PTPRD: variants seen among roughly 807,000 people sequenced by gnomAD.
PTPRD encodes receptor-type tyrosine-protein phosphatase delta.
PTPRD carries 34 observed loss-of-function variants against 214.5 expected under a neutral mutation model. The observed-to-expected ratio is 0.16, with a 90% CI of 0.12 to 0.21. The LOEUF is 0.21. PTPRD is among the 10% of genes least tolerant of loss of function. The pLI, the probability that PTPRD is intolerant of heterozygous loss-of-function variation, is 1.00. For missense variants in PTPRD, 2,545 were observed against 2,398.7 expected (o/e 1.06, Z -1.27); for synonymous variants, 1,128 against 845.7 (o/e 1.33, Z -5.79).
chr9:9,766,054 T>C (rs2098704676), intron 6 of PTPRD, among the ~76,000 whole-genome samples: 2 of 152,224 alleles, frequency 1.3e-5, no homozygotes, highest in South Asian at 4.1e-4. Context: ...GTATGTGATA[T>C]TTATTTTGTC....
intron 11 of PTPRD, among the ~76,000 whole-genome samples, chr9:8,813,813 A>G (rs1389990053): frequency 6.6e-6 from 1 of 152,242 alleles, no homozygotes. Context: ...GCTGTCTAAT[A>G]TCACAGAAAG....
intron 11 of PTPRD, among the ~76,000 whole-genome samples, chr9:8,768,960 C>T (rs1428549061): frequency 6.6e-6 from 1 of 152,164 alleles, no homozygotes; most frequent in Non-Finnish European, 1.5e-5. Context: ...ATAATAAAAA[C>T]AGATTTCCCG....
At chr9:9,544,021 C>G (rs1024760544) in intron 8 of PTPRD, among the ~76,000 whole-genome samples, 1 of 151,610 alleles carries the variant, frequency 6.6e-6, no homozygotes, top group African/African-American at 2.4e-5. Flanking sequence ...TTTCATAAAA[C>G]CTGACTTAAT....
intron 2 of PTPRD, among the ~76,000 whole-genome samples, chr9:10,446,894 T>C (rs1430162984): frequency 6.6e-6 from 1 of 152,192 alleles, no homozygotes; most frequent in Non-Finnish European, 1.5e-5. Flanking sequence ...TGCCCATGCT[T>C]ATATACCTCC....
chr9:10,288,817 CTG>C (rs1464744626), intron 3 of PTPRD, among the ~76,000 whole-genome samples: 2 of 140,768 alleles, frequency 1.4e-5, no homozygotes, highest in African/African-American at 5.6e-5. Flanking sequence ...AACTTTTTTT[CTG>C]CTTTTTGAAG....
At chr9:10,246,160 G>C (rs2092050255) in intron 3 of PTPRD, among the ~76,000 whole-genome samples, 1 of 152,044 alleles carries the variant, frequency 6.6e-6, no homozygotes, top group African/African-American at 2.4e-5. Context: ...AGATATAAAA[G>C]CTTTGGAAAT....
At chr9:10,426,075 C>T (rs1031175625) in intron 2 of PTPRD, among the ~76,000 whole-genome samples, 17 of 151,788 alleles carry the variant, frequency 1.1e-4, no homozygotes, top group Non-Finnish European at 1.2e-4. Flanking sequence ...TCACTGTTTG[C>T]TTTTTTAGAA....
In PTPRD at chr9:10,380,009, G is replaced by T. The variant is rs1333457818; in HGVS notation, c.-599-38992C>A. Among the ~76,000 whole-genome samples the T allele has an allele frequency of 3.3e-5, 5 of 152,118 alleles. No homozygotes were observed. In the East Asian group the frequency reaches 9.7e-4, roughly 30 times the overall value. On this transcript the variant is annotated intron_variant, in intron 2 of 45. Transcript: ENST00000381196. ...CTCTGTTGCCCAGGCTAGCAGGCTAGAATGCGGTGGCACAAGCATTACTCA... is the reference window on the plus strand; with the variant it reads ...CTCTGTTGCCCAGGCTAGCAGGCTATAATGCGGTGGCACAAGCATTACTCA...
In PTPRD at chr9:8,958,217, G is replaced by C. The variant is rs72708131; in HGVS notation, c.-104+60480C>G. Reference sequence around the variant, plus strand: ...AGAAGTTATGTATCTGGAGACTCATGATGCCTCATTTGCTTCTTTGTGTCC... The same window carrying C: ...AGAAGTTATGTATCTGGAGACTCATCATGCCTCATTTGCTTCTTTGTGTCC... On this transcript the variant is annotated intron_variant, in intron 11 of 45. Coordinates refer to ENST00000381196, the MANE Select transcript of PTPRD (RefSeq NM_002839.4). Among the ~76,000 whole-genome samples, 208 of 151,998 alleles carry C rather than the reference G, an allele frequency of 1.4e-3. 1 individual carries two copies. Among genetic ancestry groups the C allele is most frequent in the Non-Finnish European group, 2.6e-3 (178 of 67,906 alleles).
chr9:8,350,179 G>A (rs139771470), intron 39 of PTPRD, among the ~76,000 whole-genome samples: 1,976 of 152,210 alleles, frequency 0.013, 34 homozygotes, highest in African/African-American at 0.046. Flanking sequence ...AAAAAATTAA[G>A]AGGCATACAG....
chr9:10,111,243 T>C (rs1449436170), intron 3 of PTPRD, among the ~76,000 whole-genome samples: 1 of 131,680 alleles, frequency 7.6e-6, no homozygotes, highest in African/African-American at 3.0e-5. Flanking sequence ...TTTTTTTTTT[T>C]TTTTTTTTTT....
intron 5 of PTPRD, among the ~76,000 whole-genome samples, chr9:9,859,830 C>T (rs919230587): frequency 2.0e-5 from 3 of 152,184 alleles, no homozygotes; most frequent in African/African-American, 7.2e-5. Flanking sequence ...CTCCTTATAA[C>T]ATGGCTCTGT....
chr9:9,285,790 T>C (rs1485346332), intron 9 of PTPRD, among the ~76,000 whole-genome samples: 1 of 151,814 alleles, frequency 6.6e-6, no homozygotes, highest in African/African-American at 2.4e-5. Context: ...TCTTAGTAAA[T>C]GAGATGCATA....
intron 11 of PTPRD, among the ~76,000 whole-genome samples, chr9:8,841,684 G>A (rs897804642): frequency 3.4e-5 from 4 of 118,766 alleles, no homozygotes; most frequent in Non-Finnish European, 5.5e-5. Context: ...AAAACTGGAG[G>A]TACATACTTA....
intron 11 of PTPRD, among the ~76,000 whole-genome samples, chr9:8,883,645 AG>A: frequency 6.6e-6 from 1 of 152,302 alleles, no homozygotes; most frequent in East Asian, 1.9e-4. Context: ...CTGAGGTGAG[AG>A]GTCAGGAGTG....
chr9:8,825,778 T>C (rs1017271929), intron 11 of PTPRD, among the ~76,000 whole-genome samples: 1 of 149,540 alleles, frequency 6.7e-6, no homozygotes, highest in Non-Finnish European at 1.5e-5. Flanking sequence ...GGATTATTCA[T>C]GCCTCCCCTT....
intron 5 of PTPRD, among the ~76,000 whole-genome samples, chr9:9,788,331 C>A (rs1028073602): frequency 6.6e-6 from 1 of 150,904 alleles, no homozygotes; most frequent in African/African-American, 2.4e-5. Context: ...GTGGGTGGAT[C>A]ACGAAGTCAG....
chr9:10,358,682 A>C (rs1022857977), intron 2 of PTPRD, among the ~76,000 whole-genome samples: 2 of 151,926 alleles, frequency 1.3e-5, no homozygotes, highest in Non-Finnish European at 2.9e-5. Context: ...CATCTTAAGA[A>C]AAGTACACAT....
At chr9:10,019,790 A>T (rs10958824) in intron 4 of PTPRD, among the ~76,000 whole-genome samples, 11 of 119,690 alleles carry the variant, frequency 9.2e-5, no homozygotes, top group Middle Eastern at 4.5e-3. Context: ...GGTGGGGGGG[A>T]GCTGGGAGGG....
Sources: allele counts gnomAD v4.1 joint callset (sites outside exome capture counted in the v4.1 genomes callset), GRCh38; gene constraint gnomAD v4.1.1; transcripts MANE v1.5; gene names NCBI Gene and HGNC (gene_info 2026-07-23, HGNC 2026-07-21).